Variants in ATP10B observed in about 807,000 individuals in gnomAD.
The protein encoded by ATP10B is ATPase phospholipid transporting 10B (putative).
ATP10B carries 122 observed loss-of-function variants against 141.2 expected under a neutral mutation model. The observed-to-expected ratio is 0.86, with a 90% CI of 0.75 to 1.00. The LOEUF is 1.00. ATP10B is among the 50% of genes least tolerant of loss of function. ATP10B has a pLI of 0.00. For synonymous variants in ATP10B, 685 were observed against 692.0 expected (o/e 0.99, Z 0.16); for missense variants, 1,876 against 1,825.3 (o/e 1.03, Z -0.51).
intron 7 of ATP10B, among the ~76,000 whole-genome samples, chr5:160,650,875 CTT>C (rs564996631): frequency 4.7e-4 from 71 of 152,294 alleles, no homozygotes; most frequent in African/African-American, 1.7e-3. Flanking sequence ...TCATCTGCAT[CTT>C]GTTATTGGGC....
At chr5:160,926,250 G>A in the ATP10B span, among the ~76,000 whole-genome samples, 5 of 152,234 alleles carry the variant, frequency 3.3e-5, no homozygotes, top group South Asian at 2.1e-4. Flanking sequence ...TATCTCTATC[G>A]TGGCACAAGA....
At chr5:160,635,191 A>G (rs1759268541) in intron 11 of ATP10B, among the ~76,000 whole-genome samples, 1 of 143,568 alleles carries the variant, frequency 7.0e-6, no homozygotes, top group South Asian at 2.2e-4. Context: ...CTTGTAAACC[A>G]TGACCTTTGA....
chr5:160,927,852 A>T, the ATP10B span, among the ~76,000 whole-genome samples: 1 of 152,240 alleles, frequency 6.6e-6, no homozygotes, highest in Non-Finnish European at 1.5e-5. Context: ...AGGGAGAGGA[A>T]TTGGGGGCAG....
the ATP10B span, among the ~76,000 whole-genome samples, chr5:160,927,586 G>C: frequency 6.6e-6 from 1 of 152,190 alleles, no homozygotes; most frequent in Non-Finnish European, 1.5e-5. Flanking sequence ...ATTGAGCAGA[G>C]GTGTTGAATG....
At position 160,685,037 on chromosome 5, in the gene ATP10B, G is replaced by T. The variant is rs1763664557; in HGVS notation, c.470+1042C>A. On this transcript the variant is annotated intron_variant, in intron 6 of 25. Transcript: ENST00000327245. ...AAATAGAGATTGGCAAACCGGTGTAGCTGCTCAAAAATGTTTTTGGGGACG... is the reference window on the plus strand; with the variant it reads ...AAATAGAGATTGGCAAACCGGTGTATCTGCTCAAAAATGTTTTTGGGGACG... The T allele has an allele frequency of 4.3e-6, 3 of 703,482 alleles. No homozygotes were observed. The African/African-American group carries it at 5.2e-5, about 12-fold the overall frequency. The allele number at this position is 703,482 out of a possible 1,614,324, so 43.6% of individuals were successfully genotyped here.
the ATP10B span, among the ~76,000 whole-genome samples, chr5:160,873,677 G>T: frequency 1.3e-5 from 2 of 152,198 alleles, no homozygotes; most frequent in African/African-American, 4.8e-5. Flanking sequence ...GTGGGTGCAC[G>T]CACTGTGCGC....
At chr5:160,824,705 A>G (rs537776551) in intron 1 of ATP10B, among the ~76,000 whole-genome samples, 1 of 152,344 alleles carries the variant, frequency 6.6e-6, no homozygotes, top group South Asian at 2.1e-4. Context: ...TGTATATCTA[A>G]ACATAAAACA....
At chr5:160,813,491 C>T (rs980956951) in intron 1 of ATP10B, among the ~76,000 whole-genome samples, 6 of 152,292 alleles carry the variant, frequency 3.9e-5, no homozygotes, top group African/African-American at 7.2e-5. Context: ...CTGGGAAGCT[C>T]GAACTGGGTG....
chr5:160,652,221 C>T (rs7714059), intron 7 of ATP10B, among the ~76,000 whole-genome samples: 125,930 of 151,874 alleles, frequency 0.83, 52,449 homozygotes, highest in Middle Eastern at 0.88. Context: ...AAAGGTGACC[C>T]TGCTCTTTCT....
chr5:160,920,367 AAG>A, the ATP10B span, among the ~76,000 whole-genome samples: 1 of 152,226 alleles, frequency 6.6e-6, no homozygotes, highest in Non-Finnish European at 1.5e-5. Flanking sequence ...TTATATTAGG[AAG>A]AAATGGGCTC....
At chr5:160,753,564 G>T (rs909990040) in intron 2 of ATP10B, among the ~76,000 whole-genome samples, 2 of 152,150 alleles carry the variant, frequency 1.3e-5, no homozygotes, top group African/African-American at 2.4e-5. Flanking sequence ...GAATATTGGG[G>T]TTCCTTGGAA....
At chr5:160,877,665 C>T in the ATP10B span, among the ~76,000 whole-genome samples, 1 of 149,362 alleles carries the variant, frequency 6.7e-6, no homozygotes. Flanking sequence ...TCTCCTTAAG[C>T]TGATAAGTAA....
chr5:160,695,922 A>G (rs1393530301), intron 3 of ATP10B, among the ~76,000 whole-genome samples: 1 of 152,220 alleles, frequency 6.6e-6, no homozygotes, highest in African/African-American at 2.4e-5. Flanking sequence ...TTAGATATCT[A>G]GTTAACAAAT....
intron 20 of ATP10B, chr5:160,603,758 C>A: frequency 3.8e-6 from 2 of 527,814 alleles, no homozygotes; most frequent in Non-Finnish European, 6.8e-6. Context: ...AGTTAGTTTG[C>A]TTCTTCCAAG....
intron 2 of ATP10B, among the ~76,000 whole-genome samples, chr5:160,721,121 G>C (rs140312671): frequency 1.7e-3 from 252 of 152,282 alleles, no homozygotes; most frequent in Non-Finnish European, 3.0e-3. Flanking sequence ...GTTGGAGACT[G>C]TGCACACATC....
At chr5:160,893,250 T>C in the ATP10B span, among the ~76,000 whole-genome samples, 1 of 152,056 alleles carries the variant, frequency 6.6e-6, no homozygotes, top group Non-Finnish European at 1.5e-5. Context: ...GTGGTCTAGC[T>C]CAGCAGATCC....
At chr5:160,590,713 A>G (rs905084405) in intron 23 of ATP10B, among the ~76,000 whole-genome samples, 20 of 152,352 alleles carry the variant, frequency 1.3e-4, no homozygotes, top group Non-Finnish European at 1.9e-4. Flanking sequence ...TAATGAGTAA[A>G]GATAGCCAGA....
At chr5:160,663,715 A>G (rs1411402026) in intron 7 of ATP10B, among the ~76,000 whole-genome samples, 3 of 152,046 alleles carry the variant, frequency 2.0e-5, no homozygotes, top group Non-Finnish European at 4.4e-5. Context: ...GGTGCAGCAC[A>G]CCAACATGGC....
At chr5:160,809,412 G>A (rs909894797) in intron 1 of ATP10B, among the ~76,000 whole-genome samples, 6 of 151,926 alleles carry the variant, frequency 3.9e-5, no homozygotes, top group African/African-American at 1.5e-4. Flanking sequence ...TTTTCTACTT[G>A]ACACGTAATA....
Sources: allele counts gnomAD v4.1 joint callset (sites outside exome capture counted in the v4.1 genomes callset), GRCh38; gene constraint gnomAD v4.1.1; transcripts MANE v1.5; gene names NCBI Gene and HGNC (gene_info 2026-07-23, HGNC 2026-07-21).